RPRD1B: variants seen among roughly 807,000 people sequenced by gnomAD.
RPRD1B encodes regulation of nuclear pre-mRNA domain containing 1B.
A neutral mutation model predicts 41.5 loss-of-function variants in RPRD1B; 11 were observed. That is an observed-to-expected ratio of 0.27 (90% CI 0.17 to 0.44). The LOEUF is 0.44. Among genes scored for constraint, RPRD1B ranks in the 20% least tolerant of loss-of-function variants. The pLI, the probability that RPRD1B is intolerant of heterozygous loss-of-function variation, is 1.00. For synonymous variants in RPRD1B, 158 were observed against 155.6 expected (o/e 1.02, Z -0.12); for missense variants, 248 against 389.9 (o/e 0.64, Z 3.06).
intron 3 of RPRD1B, among the ~76,000 whole-genome samples, chr20:38,048,862 T>C (rs553069338): frequency 1.3e-5 from 2 of 152,324 alleles, no homozygotes; most frequent in East Asian, 3.9e-4. Context: ...ATAAGTTTCT[T>C]AGCTTTTTAA....
intron 6 of RPRD1B, among the ~76,000 whole-genome samples, chr20:38,076,817 G>A (rs1390416071): frequency 6.7e-6 from 1 of 149,156 alleles, no homozygotes; most frequent in Non-Finnish European, 1.5e-5. Context: ...CCCTCTGCTG[G>A]TTCTTCTGCT....
At chr20:38,040,679 T>C in intron 2 of RPRD1B, 115 bp downstream of exon 2, 1 of 1,118,946 alleles carries the variant, frequency 8.9e-7, no homozygotes, top group Non-Finnish European at 1.2e-6. Context: ...TTACAGAGAG[T>C]TGTGGAGGCC....
At chr20:38,041,413 GAA>G (rs2074064905) in intron 2 of RPRD1B, among the ~76,000 whole-genome samples, 1 of 152,202 alleles carries the variant, frequency 6.6e-6, no homozygotes, top group South Asian at 2.1e-4. Flanking sequence ...TGCAGGATTT[GAA>G]AAGTTTGAAG....
chr20:38,037,138 T>G lies in RPRD1B; in HGVS notation c.151+3040T>G, dbSNP rs147074770. Among the ~76,000 whole-genome samples, 495 of 152,320 alleles carry G rather than the reference T, an allele frequency of 3.2e-3. 1 individual carries two copies. Among genetic ancestry groups the G allele is most frequent in the African/African-American group, 0.011 (458 of 41,560 alleles). On this transcript the variant is annotated intron_variant, in intron 1 of 6. Transcript: ENST00000373433. ...GTCTCTGAGTTGCCTTCAAAATATA[T>G]GAGATTTATAAAAATTAACTTTTTT...
In RPRD1B at chr20:38,066,115, A is replaced by AC; in HGVS notation, c.690_691insC (p.Asp231ArgfsTer2). 1 of 1,614,222 alleles carries AC rather than the reference A, an allele frequency of 6.2e-7. No individual in the cohort carries two copies. Among genetic ancestry groups the AC allele is most frequent in the Non-Finnish European group, 8.5e-7 (1 of 1,180,038 alleles). ...CAGCTGAACGTCTTTCAAAAACAGT[A>AC]GATGAAGCATGTCTGTTACTAGCAG... On this transcript the variant is annotated frameshift_variant, in exon 6 of 7. Coordinates refer to ENST00000373433, the MANE Select transcript of RPRD1B (RefSeq NM_021215.4). LOFTEE classifies it high-confidence loss of function.
chr20:38,052,780 T>TA (rs1445270769), intron 3 of RPRD1B, among the ~76,000 whole-genome samples: 6 of 80,026 alleles, frequency 7.5e-5, no homozygotes, highest in Admixed American at 1.3e-4. Context: ...TTTTTTTTTT[T>TA]AAATCACAGA....
chr20:38,067,721 C>A (rs527805435), intron 6 of RPRD1B, among the ~76,000 whole-genome samples: 3 of 152,318 alleles, frequency 2.0e-5, no homozygotes, highest in African/African-American at 7.2e-5. Flanking sequence ...TCGGCACTGA[C>A]CAGAGATCCT....
Position 38,058,044 on chromosome 20 carries a change from T to C in RPRD1B, c.528+400T>C, listed in dbSNP as rs750238298. Among the ~76,000 whole-genome samples the C allele has an allele frequency of 3.4e-4, 52 of 152,244 alleles. 1 individual carries two copies. The highest frequency in any genetic ancestry group is 3.3e-4 in the Admixed American group (5 of 15,276). ...TATCTAAAGACAGTCTATGTGTCAATAGCAAATTTGCTGCACTGTAGCCTA... is the reference window on the plus strand; with the variant it reads ...TATCTAAAGACAGTCTATGTGTCAACAGCAAATTTGCTGCACTGTAGCCTA... On this transcript the variant is annotated intron_variant, in intron 4 of 6. Coordinates refer to ENST00000373433, the MANE Select transcript of RPRD1B (RefSeq NM_021215.4).
At chr20:38,059,592 A>G in intron 5 of RPRD1B, 72 bp downstream of exon 5, 1 of 1,460,606 alleles carries the variant, frequency 6.8e-7, no homozygotes, top group South Asian at 1.3e-5. Flanking sequence ...CCTAGGCCAT[A>G]CTTAACGTCT....
At chr20:38,079,679 G>T (rs1394610660) in intron 6 of RPRD1B, among the ~76,000 whole-genome samples, 7 of 152,176 alleles carry the variant, frequency 4.6e-5, no homozygotes, top group Non-Finnish European at 1.5e-5. Flanking sequence ...GTGCTGTGAT[G>T]AACTTAGGCA....
chr20:38,085,109 G>T (rs1164759303), intron 6 of RPRD1B, among the ~76,000 whole-genome samples: 1 of 152,200 alleles, frequency 6.6e-6, no homozygotes, highest in Non-Finnish European at 1.5e-5. Flanking sequence ...CAACCAGACT[G>T]CTTGGGTTTT....
intron 5 of RPRD1B, 34 bp from the exon 6 acceptor site, chr20:38,066,047 A>G (rs1204794425): frequency 5.0e-6 from 8 of 1,604,432 alleles, no homozygotes; most frequent in Admixed American, 3.4e-5. Flanking sequence ...TGATTTGTAT[A>G]TTTTCTCTAT....
Position 38,074,886 on chromosome 20 carries a change from AG to A in RPRD1B, c.831+8631del, listed in dbSNP as rs369750506. On this transcript the variant is annotated intron_variant, in intron 6 of 6. Coordinates refer to ENST00000373433, the MANE Select transcript of RPRD1B (RefSeq NM_021215.4). Reference sequence around the variant, plus strand: ...TTTTTGCGTATTTCCTTTTCCTCTTAGTTTAAAATTAAACTGAATGATAACT... The same window carrying A: ...TTTTTGCGTATTTCCTTTTCCTCTTATTTAAAATTAAACTGAATGATAACT... Among the ~76,000 whole-genome samples, 49 of 152,334 alleles carry A rather than the reference AG, an allele frequency of 3.2e-4. 3 individuals carry two copies. The East Asian group carries it at 9.2e-3, about 29-fold the overall frequency.
At chr20:38,036,328 C>A (rs773907288) in intron 1 of RPRD1B, among the ~76,000 whole-genome samples, 5 of 152,206 alleles carry the variant, frequency 3.3e-5, no homozygotes, top group Non-Finnish European at 5.9e-5. Flanking sequence ...AAAATGTGTT[C>A]TTTTTCATGT....
chr20:38,084,586 G>A (rs1029342618), intron 6 of RPRD1B, among the ~76,000 whole-genome samples: 5 of 152,176 alleles, frequency 3.3e-5, no homozygotes, highest in African/African-American at 9.7e-5. Flanking sequence ...TCTGCAGTGT[G>A]TCAGGTCTGG....
intron 5 of RPRD1B, among the ~76,000 whole-genome samples, chr20:38,062,982 G>C (rs2122731497): frequency 6.6e-6 from 1 of 151,938 alleles, no homozygotes; most frequent in South Asian, 2.1e-4. Flanking sequence ...TTACAGATGT[G>C]AGCCCCCTGC....
chr20:38,034,512 G>T (rs925014093), intron 1 of RPRD1B, among the ~76,000 whole-genome samples: 1 of 152,198 alleles, frequency 6.6e-6, no homozygotes, highest in Non-Finnish European at 1.5e-5. Flanking sequence ...TTTGCCAGCT[G>T]AATAATACTG....
At position 38,034,004 on chromosome 20, in the gene RPRD1B, T is replaced by C; in HGVS notation, c.57T>C (p.Ser19=). ...LEKKLSELSN[S]QQSVQTLSLW... The stretch of plus-strand genomic sequence containing the variant: ...AGAAGCTCTCGGAGCTGAGCAACTC[T>C]CAGCAGAGCGTGCAGACCCTGTCCC... The change falls in exon 1 of 7, where the codon TCT becomes TCC. Residue 19 remains serine (S), a synonymous_variant. Transcript: ENST00000373433. The C allele has an allele frequency of 6.2e-7, 1 of 1,614,128 alleles. No homozygotes were observed. The highest frequency in any genetic ancestry group is 8.5e-7 in the Non-Finnish European group (1 of 1,180,010).
intron 5 of RPRD1B, among the ~76,000 whole-genome samples, chr20:38,060,978 T>C (rs1487101791): frequency 6.6e-6 from 1 of 152,246 alleles, no homozygotes; most frequent in African/African-American, 2.4e-5. Context: ...GACCACTTCA[T>C]TTATTCTTAC....
Sources: gnomAD v4.1 joint callset for allele counts (sites outside exome capture counted in the v4.1 genomes callset) on GRCh38, gnomAD v4.1.1 for gene constraint, MANE v1.5 for transcripts, NCBI Gene and HGNC (gene_info 2026-07-23, HGNC 2026-07-21) for gene names.